The following MFSD12 variants were observed in gnomAD, a reference collection of about 807,000 sequenced individuals.
The protein encoded by MFSD12 is major facilitator superfamily domain containing 12, also known as major facilitator superfamily domain-containing protein 12.
Under a neutral mutation model 51.2 loss-of-function variants are expected in MFSD12, and 67 were observed. The ratio of observed to expected loss-of-function variants is 1.31; its 90% CI spans 1.08 to 1.60. The LOEUF (loss-of-function observed/expected upper bound fraction) is 1.60, where lower values mean the gene tolerates loss of function less well. Among genes scored for constraint, MFSD12 ranks in the 40% most tolerant of loss-of-function variants. The pLI is 0.00. For synonymous variants in MFSD12, 441 were observed against 316.7 expected, an observed-to-expected ratio of 1.39 and a Z score of -4.17; for missense variants, 921 against 673.0, an observed-to-expected ratio of 1.37 and a Z score of -4.08.
chr19:3,557,264 A>G lies in MFSD12; in HGVS notation c.140T>C (p.Leu47Pro). Residue 47 changes from leucine to proline, a missense_variant, in exon 1 of 10, where the codon CTG becomes CCG. Physicochemically the swap from Leu to Pro is moderately conservative, Grantham distance 98. Coordinates refer to ENST00000355415, the MANE Select transcript of MFSD12 (RefSeq NM_174983.5). Reference protein sequence around the residue: ...SMWFTYLLLYLHSVRAYSSRG... With the variant: ...SMWFTYLLLYPHSVRAYSSRG... ...GGAGCTGTAGGCGCGCACCGAGTGC[A>G]GGTAGAGCAGCAGGTAGGTGAACCA... The G allele has an allele frequency of 6.3e-7, 1 of 1,598,000 alleles. No homozygotes were observed. The highest frequency in any genetic ancestry group is 8.5e-7 in the Non-Finnish European group (1 of 1,173,762).
Position 3,547,912 on chromosome 19 carries a change from G to T in MFSD12, c.773C>A (p.Ala258Asp). 1.3e-6 allele frequency: 2 copies of T among 1,574,014 alleles called. No individual in the cohort carries two copies. Among genetic ancestry groups the T allele is most frequent in the Non-Finnish European group, 1.7e-6 (2 of 1,168,720 alleles). The change falls in exon 4 of 10, where the codon GCC becomes GAC. Residue 258 changes from alanine to aspartate, a missense_variant. Coordinates refer to ENST00000355415, the MANE Select transcript of MFSD12 (RefSeq NM_174983.5). ...CAGCAGGGGCTGGGCCGTGGCAGGG[G>T]CCAACAGGGGGGTGTGCTCGCCTGG... ...EEPGEHTPLL[A>D]PATAQPLLLW...
intron 8 of MFSD12, 73 bp downstream of exon 8, chr19:3,546,001 T>C (rs2030989246): frequency 6.6e-7 from 1 of 1,515,590 alleles, no homozygotes; most frequent in Non-Finnish European, 9.1e-7. Context: ...CCCAGAACAC[T>C]GCTGGACACA....
At chr19:3,547,172 G>C (rs1028980420) in intron 6 of MFSD12, 100 bp downstream of exon 6, 4 of 1,056,608 alleles carry the variant, frequency 3.8e-6, no homozygotes, top group Non-Finnish European at 5.9e-6. Flanking sequence ...GGAACTCGGA[G>C]GCCTGAGAGC....
At chr19:3,547,199 CG>C in intron 6 of MFSD12, 72 bp downstream of exon 6, 1 of 1,351,688 alleles carries the variant, frequency 7.4e-7, no homozygotes, top group Non-Finnish European at 1.1e-6. Context: ...GGATGGAACC[CG>C]GAGCGGGTGG....
At chr19:3,542,217 C>G, downstream of MFSD12, 1 of 985,312 alleles carries the variant, frequency 1.0e-6, no homozygotes, top group Non-Finnish European at 1.2e-6. Flanking sequence ...GTGGAAAAGC[C>G]GAGTCTATGT....
At chr19:3,549,921 C>T (rs923627408) in intron 2 of MFSD12, among the ~76,000 whole-genome samples, 3 of 151,936 alleles carry the variant, frequency 2.0e-5, no homozygotes, top group African/African-American at 7.3e-5. Context: ...TCCAGCCTGG[C>T]TGACAGAGCG....
chr19:3,539,479 T>C (rs2030180120), downstream of MFSD12: 8 of 544,532 alleles, frequency 1.5e-5, no homozygotes, highest in Admixed American at 3.1e-5. Context: ...AGAACAAATG[T>C]GTCTGCGGCC....
At position 3,546,071 on chromosome 19, in the gene MFSD12, C is replaced by T. The variant is rs370460689; in HGVS notation, c.1289+3G>A. On this transcript the variant is annotated splice_donor_region_variant and intron_variant, in intron 8 of 9. Coordinates refer to ENST00000355415, the MANE Select transcript of MFSD12 (RefSeq NM_174983.5). ...GAATGAATGAACGAACAGCGGCACT[C>T]ACGGGCAAGGGTGCAGGCTCTGGAT... 3 of 1,613,076 alleles carry T rather than the reference C, an allele frequency of 1.9e-6. No individual in the cohort carries two copies. Among genetic ancestry groups the T allele is most frequent in the Non-Finnish European group, 2.5e-6 (3 of 1,179,832 alleles).
rs576319700 is a variant in MFSD12, at chr19:3,551,014, T to A, written c.479A>T (p.Asp160Val). The A allele has an allele frequency of 1.9e-6, 3 of 1,612,442 alleles. No homozygotes were observed. Among genetic ancestry groups the A allele is most frequent in the African/African-American group, 1.3e-5 (1 of 75,018 alleles). Reference sequence around the variant, plus strand: ...TGCCGTGAGCTCCACCTTCTCATGGTCGTTGGTGACGAGCTCCGGGATGAG... The same window carrying A: ...TGCCGTGAGCTCCACCTTCTCATGGACGTTGGTGACGAGCTCCGGGATGAG... ...LSLIPELVTN[D>V]HEKVELTALR... is the part of the protein sequence containing the mutation. The change falls in exon 2 of 10, where the codon GAC becomes GTC. Residue 160 changes from aspartate to valine, a missense_variant. Physicochemically the swap from Asp to Val is radical, Grantham distance 152. Transcript: ENST00000355415. This position sits in a 1 kb window ranked among gnomAD's most constrained non-coding sequence, Gnocchi z 4.6.
Position 3,547,998 on chromosome 19 carries a change from G to A in MFSD12, c.687C>T (p.Ala229=), listed in dbSNP as rs541273959. The change falls in exon 4 of 10, where the codon GCC becomes GCT. Residue 229 remains alanine, a synonymous_variant. Coordinates refer to ENST00000355415, the MANE Select transcript of MFSD12 (RefSeq NM_174983.5). ...CCAGGTGGAATAGCAGTGAGAACAC[G>A]GCGCCGACACCCACCACCAGCAGGG... The part of the protein sequence containing the change: ...NLSLLVVGVG[A]VFSLLFHLGT... 204 of 1,598,972 alleles carry A rather than the reference G, an allele frequency of 1.3e-4. 2 individuals carry two copies. In the South Asian group the frequency reaches 2.0e-3, roughly 15 times the overall value.
chr19:3,549,267 G>A (rs2031311903), intron 2 of MFSD12, among the ~76,000 whole-genome samples: 1 of 152,186 alleles, frequency 6.6e-6, no homozygotes. Context: ...GCCCCAGAGA[G>A]GCCTGCCCAT....
chr19:3,544,819 G>T lies in MFSD12; in HGVS notation c.1410C>A (p.Arg470=). ...TGGGCCAGGACTCACAGCGTCGCAG[G>T]CGGGTCGGCCACAGCAGGAGGCTAC... ...CLCSLLLWPT[R]LRRWDRDARP The change falls in exon 9 of 10, where the codon CGC becomes CGA. Residue 470 remains arginine (R), a synonymous_variant. Transcript: ENST00000355415. The T allele has an allele frequency of 1.9e-6, 3 of 1,612,478 alleles. No homozygotes were observed. The East Asian group carries it at 6.7e-5, about 36-fold the overall frequency.
intron 1 of MFSD12, among the ~76,000 whole-genome samples, chr19:3,553,977 G>A (rs2031612451): frequency 6.6e-6 from 1 of 152,038 alleles, no homozygotes; most frequent in Admixed American, 6.6e-5. Flanking sequence ...AGCTACTCGG[G>A]AGGCTGAGGC....
intron 1 of MFSD12, among the ~76,000 whole-genome samples, chr19:3,556,270 G>C (rs1313335851): frequency 1.3e-5 from 2 of 152,234 alleles, no homozygotes; most frequent in Admixed American, 6.5e-5. Flanking sequence ...ACGAGCTCAG[G>C]CTAGACAGAC....
rs1396398370 is a variant in MFSD12 at position 3,538,575 on chromosome 19, ATCC to A, written c.*184_*186del. On this transcript the variant is annotated 3_prime_UTR_variant, in exon 5 of 5. Transcript: ENST00000398558. ...TCTGGTGTCTCTCACTGAGCGTGAC[ATCC>A]TCAAGGTGCATCCGCACTGTGGCCT... 10 of 405,550 alleles carry A rather than the reference ATCC, an allele frequency of 2.5e-5. No individual in the cohort carries two copies. In the East Asian group the frequency reaches 6.4e-4, roughly 26 times the overall value. 25.1% of individuals were successfully genotyped at this position (405,550 alleles called of 1,614,324 possible). A position where few individuals can be genotyped will look rare whatever the true frequency, so the allele number is the denominator to read the frequency against.
rs574705954 is a variant in MFSD12, at chr19:3,544,380, C to A, written c.*330G>T. The A allele has an allele frequency of 5.0e-5, 65 of 1,288,460 alleles. No individual in the cohort carries two copies. The South Asian group carries it at 1.6e-3, about 32-fold the overall frequency. The allele number at this position is 1,288,460 out of a possible 1,614,324, so 79.8% of individuals were successfully genotyped here. A position where few individuals can be genotyped will look rare whatever the true frequency, so the allele number is the denominator to read the frequency against. ...CCCCAGGCTGGAGGTGAGGGGTGAA[C>A]TGGACTGAGCTCAGGGTTAGGGTTC... On this transcript the variant is annotated 3_prime_UTR_variant, in exon 10 of 10. Transcript: ENST00000355415.
chr19:3,550,923 C>G, intron 2 of MFSD12, 61 bp downstream of exon 2: 1 of 1,447,110 alleles, frequency 6.9e-7, no homozygotes, highest in Non-Finnish European at 9.6e-7. Context: ...TGCAGTGCCA[C>G]TGACTGATAC....
chr19:3,556,955 C>T (rs1023775620), intron 1 of MFSD12, 151 bp downstream of exon 1: 14 of 747,732 alleles, frequency 1.9e-5, no homozygotes, highest in African/African-American at 3.8e-5. Flanking sequence ...ACAGACAGTG[C>T]AGGGAAGCTC....
intron 1 of MFSD12, among the ~76,000 whole-genome samples, chr19:3,556,022 C>T (rs1039712550): frequency 6.6e-6 from 1 of 152,172 alleles, no homozygotes; most frequent in African/African-American, 2.4e-5. Flanking sequence ...CAGGGCAGCT[C>T]CCCCAGACCT....
Sources: allele counts gnomAD v4.1 joint callset (sites outside exome capture counted in the v4.1 genomes callset), GRCh38; gene constraint gnomAD v4.1.1; non-coding constraint Gnocchi (gnomAD v3.1); transcripts MANE v1.5; gene names NCBI Gene and HGNC (gene_info 2026-07-23, HGNC 2026-07-21).